PIK3C3: variants seen among roughly 807,000 people sequenced by gnomAD.
PIK3C3 encodes PI3-kinase type 3.
In PIK3C3, 95 loss-of-function variants were observed where a neutral mutation model predicts 126.1. The observed-to-expected ratio is 0.75, with a 90% CI of 0.64 to 0.89. The LOEUF is 0.89. Among genes scored for constraint, PIK3C3 ranks in the 40% least tolerant of loss-of-function variants. The pLI, the probability that PIK3C3 is intolerant of heterozygous loss-of-function variation, is 0.00. For synonymous variants in PIK3C3, 374 were observed against 360.0 expected, an observed-to-expected ratio of 1.04 and a Z score of -0.44; for missense variants, 829 against 1,063.2, an observed-to-expected ratio of 0.78 and a Z score of 3.06.
intron 10 of PIK3C3, among the ~76,000 whole-genome samples, chr18:42,012,192 A>G (rs1281703814): frequency 6.6e-6 from 1 of 152,152 alleles, no homozygotes; most frequent in African/African-American, 2.4e-5. Flanking sequence ...GTAAAAAAAA[A>G]AAAAAAATGC....
At chr18:41,963,470 C>T (rs1216003846) in intron 3 of PIK3C3, among the ~76,000 whole-genome samples, 1 of 152,144 alleles carries the variant, frequency 6.6e-6, no homozygotes, top group East Asian at 1.9e-4. Context: ...TCAAGTAGAC[C>T]CCGTGTCCTT....
chr18:42,026,171 A>G (rs1983558561), intron 13 of PIK3C3: 3 of 152,164 alleles, frequency 2.0e-5, no homozygotes, highest in South Asian at 2.1e-4. Context: ...CTGGGTTTCA[A>G]TCTCAGTTTT....
chr18:42,054,187 TATATAA>T (rs1984954721), intron 21 of PIK3C3, among the ~76,000 whole-genome samples: 2 of 92,140 alleles, frequency 2.2e-5, no homozygotes, highest in African/African-American at 1.0e-4. Context: ...TATATATATA[TATATAA>T]AGGGGAATTT....
intron 10 of PIK3C3, among the ~76,000 whole-genome samples, chr18:42,011,822 G>A (rs1982839595): frequency 1.3e-5 from 2 of 152,186 alleles, no homozygotes; most frequent in African/African-American, 4.8e-5. Flanking sequence ...CACTTATTGT[G>A]CACTGTAGGT....
At chr18:41,969,788 G>A (rs1980560947) in intron 3 of PIK3C3, among the ~76,000 whole-genome samples, 1 of 152,144 alleles carries the variant, frequency 6.6e-6, no homozygotes, top group Non-Finnish European at 1.5e-5. Context: ...TGGGATACAA[G>A]TCCTTTTATC....
At chr18:42,014,915 C>G (rs551226288) in intron 11 of PIK3C3, among the ~76,000 whole-genome samples, 1 of 152,068 alleles carries the variant, frequency 6.6e-6, no homozygotes, top group Non-Finnish European at 1.5e-5. Flanking sequence ...TTATCTCACT[C>G]TATATTGGAG....
chr18:41,966,306 A>T (rs949291126), intron 3 of PIK3C3, among the ~76,000 whole-genome samples: 1 of 147,984 alleles, frequency 6.8e-6, no homozygotes, highest in Non-Finnish European at 1.5e-5. Context: ...AGTAGCCGGG[A>T]TTACAGGCCC....
At chr18:41,990,249 C>T (rs1485480440) in intron 5 of PIK3C3, among the ~76,000 whole-genome samples, 1 of 152,044 alleles carries the variant, frequency 6.6e-6, no homozygotes, top group Middle Eastern at 3.2e-3. Context: ...GCATAGTAGA[C>T]ACTACTGAAT....
At chr18:41,998,687 T>C (rs1260876476) in intron 9 of PIK3C3, among the ~76,000 whole-genome samples, 1 of 152,188 alleles carries the variant, frequency 6.6e-6, no homozygotes, top group Non-Finnish European at 1.5e-5. Flanking sequence ...GGATATGTTA[T>C]AGGATTCTTC....
chr18:42,033,729 CT>C, intron 15 of PIK3C3, 96 bp from the exon 16 acceptor site: 1 of 875,846 alleles, frequency 1.1e-6, no homozygotes, highest in Middle Eastern at 2.3e-4. Flanking sequence ...TTTGCAAATA[CT>C]TTTAAGTTAA....
intron 18 of PIK3C3, among the ~76,000 whole-genome samples, chr18:42,039,677 G>C (rs1448171349): frequency 6.6e-6 from 1 of 152,092 alleles, no homozygotes; most frequent in Admixed American, 6.6e-5. Context: ...TATTATCCTT[G>C]AAAACATGGC....
chr18:42,078,354 G>A (rs1166248345), intron 24 of PIK3C3, among the ~76,000 whole-genome samples: 17 of 140,950 alleles, frequency 1.2e-4, no homozygotes, highest in Non-Finnish European at 1.5e-4. Context: ...TCCGCAGTCC[G>A]GCCTGGGCAA....
chr18:41,971,248 T>G (rs1272102293), intron 4 of PIK3C3: 2 of 152,178 alleles, frequency 1.3e-5, no homozygotes, highest in Non-Finnish European at 2.9e-5. Context: ...ACTTTTTTTT[T>G]GCAATCTTAT....
intron 21 of PIK3C3, among the ~76,000 whole-genome samples, chr18:42,056,343 T>G (rs1005670129): frequency 6.6e-6 from 1 of 152,126 alleles, no homozygotes; most frequent in Non-Finnish European, 1.5e-5. Context: ...GATAGAAATA[T>G]ACTCTTCGTT....
chr18:42,025,161 G>C (rs1983510081), intron 13 of PIK3C3, among the ~76,000 whole-genome samples: 1 of 152,040 alleles, frequency 6.6e-6, no homozygotes, highest in Non-Finnish European at 1.5e-5. Context: ...GTGTTTACTT[G>C]GTGGTCAGAA....
chr18:42,006,467 G>A (rs1044518790), intron 10 of PIK3C3, among the ~76,000 whole-genome samples: 2 of 152,138 alleles, frequency 1.3e-5, no homozygotes, highest in African/African-American at 2.4e-5. Context: ...TTCCCCAGAG[G>A]TTGAGAGGGT....
At position 41,957,547 on chromosome 18, in the gene PIK3C3, CATT is replaced by C. The variant is rs751115801; in HGVS notation, c.69-22_69-20del. On this transcript the variant is annotated intron_variant, in intron 1 of 24. Transcript: ENST00000262039. ...ATGCTTAAAAAATTCATGTCTGAAA[CATT>C]GTTGGTCTTGTGCTTTCAGAGGAAG... is the stretch of plus-strand genomic sequence containing the variant. 3 of 1,597,480 alleles carry C rather than the reference CATT, an allele frequency of 1.9e-6. No homozygotes were observed. The highest frequency in any genetic ancestry group is 1.4e-5 in the African/African-American group (1 of 73,538).
intron 9 of PIK3C3, among the ~76,000 whole-genome samples, chr18:41,999,002 GGAGGAA>G (rs1435113680): frequency 6.6e-6 from 1 of 152,026 alleles, no homozygotes; most frequent in East Asian, 1.9e-4. Context: ...AAAACAAATT[GGAGGAA>G]ATTGGTTCTC....
At chr18:42,018,041 C>T (rs1486791496) in intron 12 of PIK3C3, among the ~76,000 whole-genome samples, 1 of 151,590 alleles carries the variant, frequency 6.6e-6, no homozygotes, top group Non-Finnish European at 1.5e-5. Flanking sequence ...CTTCTCCCTC[C>T]ACCCCACCCC....
Sources: allele counts gnomAD v4.1 joint callset (sites outside exome capture counted in the v4.1 genomes callset), GRCh38; gene constraint gnomAD v4.1.1; transcripts MANE v1.5; gene names NCBI Gene and HGNC (gene_info 2026-07-23, HGNC 2026-07-21).